The following GRIA4 variants were observed in gnomAD, a reference collection of about 807,000 sequenced individuals.
GRIA4 encodes glutamate receptor 4.
A neutral mutation model predicts 104.0 loss-of-function variants in GRIA4; 34 were observed. The observed-to-expected ratio is 0.33, with a 90% CI of 0.25 to 0.44. The LOEUF (loss-of-function observed/expected upper bound fraction) is 0.44, where lower values mean the gene tolerates loss of function less well. GRIA4 is among the 20% of genes least tolerant of loss of function. The pLI, the probability that GRIA4 is intolerant of heterozygous loss-of-function variation, is 1.00. For missense variants in GRIA4, 750 were observed against 1,096.5 expected (o/e 0.68, Z 4.46); for synonymous variants, 386 against 381.9 (o/e 1.01, Z -0.13).
At chr11:105,734,133 T>G (rs1291835578) in intron 3 of GRIA4, among the ~76,000 whole-genome samples, 1 of 150,242 alleles carries the variant, frequency 6.7e-6, no homozygotes, top group Admixed American at 6.7e-5. Context: ...CACTGACAGA[T>G]CTACTCAATT....
In GRIA4 at chr11:105,625,667, G is replaced by C. The variant is rs574596981; in HGVS notation, c.247+13233G>C. ...GACACTCATGATTATGGCCTGACCT[G>C]TTCTGTCTGGATGGGAATATTACTT... On this transcript the variant is annotated intron_variant, in intron 3 of 16. Coordinates refer to ENST00000282499, the MANE Select transcript of GRIA4 (RefSeq NM_000829.4). Among the ~76,000 whole-genome samples, 33 of 152,158 alleles carry C rather than the reference G, an allele frequency of 2.2e-4. No individual in the cohort carries two copies. In the South Asian group the frequency reaches 5.2e-3, roughly 24 times the overall value.
chr11:105,752,124 T>C lies in GRIA4; in HGVS notation c.248-857T>C, dbSNP rs553478271. ...TGTTAAAAGAGTGATAAAAATGTGA[T>C]TGAAAAAGAATTTTGAGAAGAATCT... On this transcript the variant is annotated intron_variant, in intron 3 of 16. Transcript: ENST00000282499. Among the ~76,000 whole-genome samples, 25 of 152,296 alleles carry C rather than the reference T, an allele frequency of 1.6e-4. No individual in the cohort carries two copies. In the East Asian group the frequency reaches 4.4e-3, roughly 27 times the overall value.
intron 4 of GRIA4, among the ~76,000 whole-genome samples, chr11:105,810,849 T>C (rs769784301): frequency 6.6e-6 from 1 of 152,154 alleles, no homozygotes; most frequent in African/African-American, 2.4e-5. Flanking sequence ...GGGTAAGTTG[T>C]AGGTCGCCTT....
chr11:105,662,801 A>G (rs542985536), intron 3 of GRIA4, among the ~76,000 whole-genome samples: 34 of 152,010 alleles, frequency 2.2e-4, no homozygotes, highest in Non-Finnish European at 4.0e-4. Flanking sequence ...GTGGTTAAAA[A>G]GCAGAGACAG....
chr11:105,818,982 A>G (rs1943482336), intron 4 of GRIA4, among the ~76,000 whole-genome samples: 2 of 152,286 alleles, frequency 1.3e-5, no homozygotes, highest in South Asian at 4.1e-4. Context: ...CCTTTTATAC[A>G]AGGAAATCAG....
intron 5 of GRIA4, among the ~76,000 whole-genome samples, chr11:105,879,259 C>T (rs1183595622): frequency 6.6e-6 from 1 of 152,148 alleles, no homozygotes; most frequent in African/African-American, 2.4e-5. Flanking sequence ...AGCCAGGTAT[C>T]TCAGTTGGAA....
At chr11:105,701,556 G>C (rs1252599985) in intron 3 of GRIA4, among the ~76,000 whole-genome samples, 2 of 152,032 alleles carry the variant, frequency 1.3e-5, no homozygotes, top group Non-Finnish European at 1.5e-5. Context: ...ATAGGAGAGA[G>C]TGCATGTGTT....
chr11:105,846,796 T>G (rs1413525539), intron 4 of GRIA4, among the ~76,000 whole-genome samples: 1 of 152,184 alleles, frequency 6.6e-6, no homozygotes, highest in African/African-American at 2.4e-5. Context: ...TGGAGAACAT[T>G]GGTAAAAAAT....
intron 7 of GRIA4, among the ~76,000 whole-genome samples, chr11:105,900,519 T>C (rs1380776733): frequency 6.6e-6 from 1 of 152,162 alleles, no homozygotes; most frequent in Non-Finnish European, 1.5e-5. Flanking sequence ...AATCCAACCA[T>C]CTTCCAAGGC....
At chr11:105,611,718 C>T (rs1950485924) in intron 2 of GRIA4, among the ~76,000 whole-genome samples, 1 of 152,104 alleles carries the variant, frequency 6.6e-6, no homozygotes, top group Admixed American at 6.6e-5. Context: ...TGCTATTCTC[C>T]TCTACTGTCT....
chr11:105,645,399 T>C (rs1951497801), intron 3 of GRIA4, among the ~76,000 whole-genome samples: 1 of 152,174 alleles, frequency 6.6e-6, no homozygotes, highest in South Asian at 2.1e-4. Flanking sequence ...AGGGCCTGCT[T>C]ATACCCTCCT....
intron 6 of GRIA4, among the ~76,000 whole-genome samples, chr11:105,891,415 A>G (rs1946450857): frequency 6.6e-6 from 1 of 152,218 alleles, no homozygotes; most frequent in Non-Finnish European, 1.5e-5. Context: ...TGCTCTACTT[A>G]AATATTTTAG....
chr11:105,770,306 C>A (rs1941151447), intron 4 of GRIA4, among the ~76,000 whole-genome samples: 1 of 152,038 alleles, frequency 6.6e-6, no homozygotes. Flanking sequence ...GAAGAAAATT[C>A]ATTCTTAAAA....
chr11:105,610,830 C>T (rs1249768393), intron 1 of GRIA4, 78 bp from the exon 2 acceptor site: 5 of 593,282 alleles, frequency 8.4e-6, no homozygotes, highest in Non-Finnish European at 1.2e-5. Context: ...CTTAAACCAC[C>T]GAAACCTCTT....
At chr11:105,880,901 C>T (rs1036506357) in intron 5 of GRIA4, among the ~76,000 whole-genome samples, 3 of 152,068 alleles carry the variant, frequency 2.0e-5, no homozygotes, top group Non-Finnish European at 4.4e-5. Context: ...CATTAGCCAA[C>T]AAAAGTATTT....
intron 14 of GRIA4, among the ~76,000 whole-genome samples, chr11:105,948,558 T>TTTTCTTTC (rs1405016833): frequency 6.7e-6 from 1 of 150,098 alleles, no homozygotes; most frequent in Non-Finnish European, 1.5e-5. Flanking sequence ...ACAGAATAAT[T>TTTTCTTTC]TTTCTTTCTT....
At chr11:105,726,927 A>C (rs183082032) in intron 3 of GRIA4, among the ~76,000 whole-genome samples, 14 of 152,292 alleles carry the variant, frequency 9.2e-5, no homozygotes, top group Non-Finnish European at 1.6e-4. Flanking sequence ...AAAGATGAGG[A>C]AAAACCATTG....
At chr11:105,655,057 T>A (rs140954393) in intron 3 of GRIA4, among the ~76,000 whole-genome samples, 23 of 152,292 alleles carry the variant, frequency 1.5e-4, no homozygotes, top group African/African-American at 5.3e-4. Flanking sequence ...GAGACCCTTT[T>A]CTTAATTGTG....
At chr11:105,640,919 G>A (rs1346273222) in intron 3 of GRIA4, among the ~76,000 whole-genome samples, 2 of 151,722 alleles carry the variant, frequency 1.3e-5, no homozygotes, top group Non-Finnish European at 2.9e-5. Flanking sequence ...CCTTTAACGT[G>A]TAAAAATAAA....
Sources: gnomAD v4.1 joint callset for allele counts (sites outside exome capture counted in the v4.1 genomes callset) on GRCh38, gnomAD v4.1.1 for gene constraint, MANE v1.5 for transcripts, NCBI Gene and HGNC (gene_info 2026-07-23, HGNC 2026-07-21) for gene names.